PTPRD: variants seen among roughly 807,000 people sequenced by gnomAD.
PTPRD encodes the protein receptor-type tyrosine-protein phosphatase delta.
In PTPRD, 34 loss-of-function variants were observed where a neutral mutation model predicts 214.5. The observed-to-expected ratio is 0.16, with a 90% CI of 0.12 to 0.21. The LOEUF (loss-of-function observed/expected upper bound fraction) is 0.21, where lower values mean the gene tolerates loss of function less well. PTPRD is among the 10% of genes least tolerant of loss of function. The pLI is 1.00. For synonymous variants in PTPRD, 1,128 were observed against 845.7 expected (o/e 1.33, Z -5.79); for missense variants, 2,545 against 2,398.7 (o/e 1.06, Z -1.27).
Position 8,992,989 on chromosome 9 carries a change from A to G in PTPRD, c.-104+25708T>C, listed in dbSNP as rs186091683. On this transcript the variant is annotated intron_variant, in intron 11 of 45. Transcript: ENST00000381196. ...ACTCTATAAGATTACAGAAGACAGG[A>G]CATACAGTTTTGTCTTCCTGAGCCG... 3.3e-5 allele frequency among the ~76,000 whole-genome samples: 5 copies of G among 152,306 alleles called. No homozygotes were observed. The East Asian group carries it at 7.7e-4, about 23-fold the overall frequency.
At chr9:9,836,378 G>A (rs2056766099) in intron 5 of PTPRD, among the ~76,000 whole-genome samples, 1 of 152,116 alleles carries the variant, frequency 6.6e-6, no homozygotes, top group African/African-American at 2.4e-5. Flanking sequence ...TCTAATCTCT[G>A]ATGGGACTGC....
chr9:10,507,067 T>C (rs1282879301), intron 2 of PTPRD, among the ~76,000 whole-genome samples: 1 of 152,036 alleles, frequency 6.6e-6, no homozygotes, highest in East Asian at 1.9e-4. Context: ...TATCCCAAAA[T>C]CTCCTTAAGT....
intron 12 of PTPRD, among the ~76,000 whole-genome samples, chr9:8,728,300 T>C (rs1006113709): frequency 6.6e-6 from 1 of 152,194 alleles, no homozygotes; most frequent in South Asian, 2.1e-4. Flanking sequence ...TTTTAAAGGA[T>C]ACTTAAATGA....
intron 34 of PTPRD, among the ~76,000 whole-genome samples, chr9:8,444,262 T>C (rs549391590): frequency 1.4e-4 from 22 of 152,152 alleles, no homozygotes; most frequent in Non-Finnish European, 3.1e-4. Context: ...CTGACTACCA[T>C]CATTGTCATT....
At chr9:9,103,890 G>C (rs1310247789) in intron 10 of PTPRD, among the ~76,000 whole-genome samples, 2 of 152,132 alleles carry the variant, frequency 1.3e-5, no homozygotes, top group African/African-American at 2.4e-5. Flanking sequence ...GCTGAGGTGA[G>C]AAGATCGCTG....
At chr9:10,388,435 T>A (rs151258183) in intron 2 of PTPRD, among the ~76,000 whole-genome samples, 103 of 149,586 alleles carry the variant, frequency 6.9e-4, no homozygotes, top group Admixed American at 2.9e-3. Flanking sequence ...CTATAGTAGA[T>A]GCTTAATGAA....
chr9:8,997,907 TAGA>T (rs1255091258), intron 11 of PTPRD, among the ~76,000 whole-genome samples: 1 of 152,104 alleles, frequency 6.6e-6, no homozygotes. Flanking sequence ...ATAGTCTGGA[TAGA>T]AGATCAAACC....
chr9:8,692,843 A>G (rs967702578), intron 12 of PTPRD, among the ~76,000 whole-genome samples: 4 of 152,218 alleles, frequency 2.6e-5, no homozygotes, highest in Non-Finnish European at 4.4e-5. Context: ...GTCAAGAGTT[A>G]CTGTCAACTT....
chr9:9,035,738 C>T (rs923466038), intron 10 of PTPRD, among the ~76,000 whole-genome samples: 1 of 151,942 alleles, frequency 6.6e-6, no homozygotes, highest in African/African-American at 2.4e-5. Flanking sequence ...ATTTGCTTGG[C>T]TATATAAAAG....
chr9:9,332,072 T>C (rs1359152267), intron 9 of PTPRD, among the ~76,000 whole-genome samples: 1 of 152,084 alleles, frequency 6.6e-6, no homozygotes, highest in Admixed American at 6.6e-5. Context: ...TGTTCACATG[T>C]AGAGGTGAGG....
intron 3 of PTPRD, among the ~76,000 whole-genome samples, chr9:10,146,418 TAAAC>T (rs1381171262): frequency 2.0e-5 from 3 of 152,018 alleles, no homozygotes; most frequent in Non-Finnish European, 4.4e-5. Context: ...AAGTAATAAA[TAAAC>T]AAATATATAA....
rs111933154 is a variant in PTPRD, at chr9:9,424,964, A to G, written c.-236-27482T>C. Among the ~76,000 whole-genome samples, 752 of 152,336 alleles carry G rather than the reference A, an allele frequency of 4.9e-3. 5 individuals are homozygous for G. The highest frequency in any genetic ancestry group is 0.017 in the African/African-American group (713 of 41,578). The stretch of plus-strand genomic sequence containing the variant: ...ATTTTTACCTACTACTTAAAGCTGG[A>G]CTGGGTCTGTGACTTGCTTTGACCG... On this transcript the variant is annotated intron_variant, in intron 8 of 45. Coordinates refer to ENST00000381196, the MANE Select transcript of PTPRD (RefSeq NM_002839.4).
intron 10 of PTPRD, among the ~76,000 whole-genome samples, chr9:9,023,652 C>G (rs774138564): frequency 6.6e-6 from 1 of 151,856 alleles, no homozygotes; most frequent in South Asian, 2.1e-4. Flanking sequence ...CAGCTCACAT[C>G]CCCCGCTCTC....
chr9:9,469,929 T>C lies in PTPRD; in HGVS notation c.-236-72447A>G, dbSNP rs111505583. On this transcript the variant is annotated intron_variant, in intron 8 of 45. Transcript: ENST00000381196. ...AATCATTCTCAGGCTATGGGGAACATTATTTGGATGTAGGCAGAAGAAAGG... is the reference window on the plus strand; with the variant it reads ...AATCATTCTCAGGCTATGGGGAACACTATTTGGATGTAGGCAGAAGAAAGG... 2.3e-3 allele frequency among the ~76,000 whole-genome samples: 351 copies of C among 152,218 alleles called. 1 individual carries two copies. The highest frequency in any genetic ancestry group is 7.5e-3 in the African/African-American group (313 of 41,546).
At chr9:8,653,581 A>T (rs2096854580) in intron 12 of PTPRD, among the ~76,000 whole-genome samples, 1 of 152,060 alleles carries the variant, frequency 6.6e-6, no homozygotes, top group African/African-American at 2.4e-5. Flanking sequence ...GAGAAATCAC[A>T]ACACTGTAAG....
intron 8 of PTPRD, among the ~76,000 whole-genome samples, chr9:9,494,002 T>A (rs2096054833): frequency 6.6e-6 from 1 of 152,052 alleles, no homozygotes; most frequent in South Asian, 2.1e-4. Context: ...GTTTGGAAGA[T>A]TATTCCAATC....
At chr9:8,517,788 T>C in intron 21 of PTPRD, 60 bp downstream of exon 21, 1 of 1,428,298 alleles carries the variant, frequency 7.0e-7, no homozygotes, top group South Asian at 1.3e-5. Context: ...TTTTTGTCCT[T>C]CTCACCTCTT....
chr9:8,851,696 A>G (rs2097818380), intron 11 of PTPRD, among the ~76,000 whole-genome samples: 1 of 152,186 alleles, frequency 6.6e-6, no homozygotes, highest in Non-Finnish European at 1.5e-5. Context: ...ACAAAATAAG[A>G]TAAATTTGTA....
intron 2 of PTPRD, among the ~76,000 whole-genome samples, chr9:10,584,373 A>G (rs1048350504): frequency 2.0e-5 from 3 of 152,144 alleles, no homozygotes; most frequent in Admixed American, 1.3e-4. Flanking sequence ...ATTTCTGACA[A>G]TGGCATGAAG....
Sources: gnomAD v4.1 joint callset for allele counts (sites outside exome capture counted in the v4.1 genomes callset) on GRCh38, gnomAD v4.1.1 for gene constraint, MANE v1.5 for transcripts, NCBI Gene and HGNC (gene_info 2026-07-23, HGNC 2026-07-21) for gene names.